The following NRG3 variants were observed in gnomAD, a reference collection of about 807,000 sequenced individuals.
NRG3 encodes neuregulin 3.
NRG3 carries 31 observed loss-of-function variants against 66.9 expected under a neutral mutation model. That is an observed-to-expected ratio of 0.46 (90% CI 0.35 to 0.63). The LOEUF (loss-of-function observed/expected upper bound fraction) is 0.63, where lower values mean the gene tolerates loss of function less well. Among genes scored for constraint, NRG3 ranks in the 20% least tolerant of loss-of-function variants. NRG3 has a pLI of 0.00. For missense variants in NRG3, 910 were observed against 878.9 expected, an observed-to-expected ratio of 1.04 and a Z score of -0.45; for synonymous variants, 393 against 359.4, an observed-to-expected ratio of 1.09 and a Z score of -1.06.
Position 82,979,082 on chromosome 10 carries a change from AT to A in NRG3, c.1546del (p.Ser516GlnfsTer19), listed in dbSNP as rs1481284542. ...VGPAYQQLEE[S>X]RIPDQDTIPC... ...GACCAGCATATCAGCAACTCGAAGA[AT>A]CAAGGATCCCAGACCAGGATACGAT... On this transcript the variant is annotated frameshift_variant, in exon 8 of 9. Coordinates refer to ENST00000372141, the MANE Select transcript of NRG3 (RefSeq NM_001010848.4). LOFTEE classifies it high-confidence loss of function. 6.2e-7 allele frequency: 1 copy of A among 1,614,110 alleles called. No individual in the cohort carries two copies.
chr10:82,311,723 C>A (rs1329564490), intron 1 of NRG3, among the ~76,000 whole-genome samples: 4 of 152,086 alleles, frequency 2.6e-5, no homozygotes, highest in Admixed American at 2.6e-4. Flanking sequence ...ATACTCACAC[C>A]AAATCTATGA....
At chr10:82,126,226 A>T (rs150769113) in intron 1 of NRG3, among the ~76,000 whole-genome samples, 1 of 152,168 alleles carries the variant, frequency 6.6e-6, no homozygotes, top group African/African-American at 2.4e-5. Flanking sequence ...ATTAAATATC[A>T]TAAGGTTGTT....
intron 1 of NRG3, among the ~76,000 whole-genome samples, chr10:82,339,904 G>T (rs4143817): frequency 0.16 from 23,870 of 151,858 alleles, 3,178 homozygotes; most frequent in African/African-American, 0.35. Flanking sequence ...CATCTAGGGT[G>T]GGGGCTGGAG....
intron 2 of NRG3, among the ~76,000 whole-genome samples, chr10:82,427,085 G>T (rs1004442082): frequency 6.8e-6 from 1 of 147,570 alleles, no homozygotes; most frequent in Non-Finnish European, 1.5e-5. Context: ...GTATGTGTGG[G>T]TGTGCATTTG....
chr10:82,119,714 CA>C (rs1316266061), intron 1 of NRG3, among the ~76,000 whole-genome samples: 1 of 152,092 alleles, frequency 6.6e-6, no homozygotes, highest in Non-Finnish European at 1.5e-5. Context: ...TGTAAATATA[CA>C]GGGAGGCTTC....
intron 1 of NRG3, among the ~76,000 whole-genome samples, chr10:82,312,126 C>G (rs932605585): frequency 6.6e-6 from 1 of 152,254 alleles, no homozygotes; most frequent in Non-Finnish European, 1.5e-5. Context: ...TGATTTTCTT[C>G]TACCTGAATA....
intron 4 of NRG3, among the ~76,000 whole-genome samples, chr10:82,941,500 TC>T (rs1181027208): frequency 6.6e-6 from 1 of 152,210 alleles, no homozygotes; most frequent in Non-Finnish European, 1.5e-5. Flanking sequence ...TTTTAATCTA[TC>T]CCAAGCATTT....
At chr10:82,829,988 A>G (rs960290797) in intron 3 of NRG3, among the ~76,000 whole-genome samples, 1 of 152,132 alleles carries the variant, frequency 6.6e-6, no homozygotes, top group African/African-American at 2.4e-5. Context: ...TCTGCTACCA[A>G]CATTTTTGCA....
chr10:82,793,122 G>A (rs915347889), intron 3 of NRG3, among the ~76,000 whole-genome samples: 5 of 151,862 alleles, frequency 3.3e-5, no homozygotes, highest in Admixed American at 2.0e-4. Flanking sequence ...TGAAACATTC[G>A]TCTGTAAGTT....
intron 1 of NRG3, among the ~76,000 whole-genome samples, chr10:82,093,153 A>T (rs1007136722): frequency 7.9e-5 from 12 of 152,156 alleles, no homozygotes; most frequent in Non-Finnish European, 1.8e-4. Flanking sequence ...GCACTCTGAG[A>T]TATTTACTGT....
intron 4 of NRG3, among the ~76,000 whole-genome samples, chr10:82,924,143 A>G (rs1214630194): frequency 6.6e-6 from 1 of 151,666 alleles, no homozygotes; most frequent in Non-Finnish European, 1.5e-5. Flanking sequence ...AATTGTTGGC[A>G]AGATTCCAGT....
chr10:82,005,490 A>G (rs1589754385), intron 1 of NRG3, among the ~76,000 whole-genome samples: 1 of 152,204 alleles, frequency 6.6e-6, no homozygotes, highest in African/African-American at 2.4e-5. Context: ...GATTCTTTAA[A>G]GCCTTTTTGA....
intron 2 of NRG3, among the ~76,000 whole-genome samples, chr10:82,651,158 T>A (rs560729810): frequency 6.6e-6 from 1 of 152,278 alleles, no homozygotes; most frequent in South Asian, 2.1e-4. Flanking sequence ...CTTGTTTAGT[T>A]TACATTGGTT....
chr10:82,190,553 T>G (rs2074079829), intron 1 of NRG3, among the ~76,000 whole-genome samples: 2 of 152,162 alleles, frequency 1.3e-5, no homozygotes, highest in African/African-American at 2.4e-5. Context: ...TGAACAGCAT[T>G]TACTCATTTA....
chr10:82,301,686 C>CTATATATATATA (rs60882154), intron 1 of NRG3, among the ~76,000 whole-genome samples: 5,086 of 137,452 alleles, frequency 0.037, 125 homozygotes, highest in Non-Finnish European at 0.041. Flanking sequence ...ACATATATTC[C>CTATATATATATA]TATATATATA....
intron 1 of NRG3, among the ~76,000 whole-genome samples, chr10:81,885,740 T>G (rs1203650550): frequency 1.3e-5 from 2 of 152,280 alleles, no homozygotes; most frequent in African/African-American, 4.8e-5. Flanking sequence ...GATTGTATTG[T>G]CAACATCCTG....
rs760046822 is a variant in NRG3, at chr10:82,358,742, C to G, written c.827C>G (p.Thr276Arg). 2 of 1,614,052 alleles carry G rather than the reference C, an allele frequency of 1.2e-6. No homozygotes were observed. The highest frequency in any genetic ancestry group is 1.7e-6 in the Non-Finnish European group (2 of 1,179,968). The change falls in exon 2 of 9, where the codon ACG (threonine) becomes AGG (arginine). Residue 276 changes from threonine (T) to arginine (R), a missense_variant. By Grantham distance (71) the Thr-to-Arg change is moderately conservative (BLOSUM62 -1). Transcript: ENST00000372141. ...CCCCCTGTGCTTTCCCTGACAGATA[C>G]GACGACATATTCCACAGAGCGATCC... ...PETSTSPKFH[T>R]TTYSTERSEH...
intron 2 of NRG3, among the ~76,000 whole-genome samples, chr10:82,391,884 C>T (rs1367766766): frequency 6.6e-6 from 1 of 150,904 alleles, no homozygotes; most frequent in East Asian, 2.0e-4. Context: ...CAGATTGTGA[C>T]CAAGTTGCTT....
At chr10:82,433,765 G>T (rs928931121) in intron 2 of NRG3, among the ~76,000 whole-genome samples, 4 of 152,130 alleles carry the variant, frequency 2.6e-5, no homozygotes, top group Non-Finnish European at 4.4e-5. Flanking sequence ...TTGTAGATGT[G>T]TGATGTTATT....
Sources: allele counts gnomAD v4.1 joint callset (sites outside exome capture counted in the v4.1 genomes callset), GRCh38; gene constraint gnomAD v4.1.1; transcripts MANE v1.5; gene names NCBI Gene and HGNC (gene_info 2026-07-23, HGNC 2026-07-21).